Variants in ALPK2 observed in about 807,000 individuals in gnomAD.
The protein encoded by ALPK2 is alpha kinase 2, also known as alpha-protein kinase 2.
In ALPK2, 127 loss-of-function variants were observed where a neutral mutation model predicts 163.1. That is an observed-to-expected ratio of 0.78 (90% CI 0.67 to 0.90). The LOEUF (loss-of-function observed/expected upper bound fraction) is 0.90. ALPK2 is among the 40% of genes least tolerant of loss of function. ALPK2 has a pLI of 0.00. For synonymous variants in ALPK2, 953 were observed against 959.1 expected, an observed-to-expected ratio of 0.99 and a Z score of 0.12; for missense variants, 2,360 against 2,589.6, an observed-to-expected ratio of 0.91 and a Z score of 1.92.
chr18:58,537,950 G>T lies in ALPK2; in HGVS notation c.2237C>A (p.Ala746Asp), dbSNP rs1236849847. The T allele has an allele frequency of 6.2e-7, 1 of 1,614,174 alleles. No homozygotes were observed. Among genetic ancestry groups the T allele is most frequent in the Non-Finnish European group, 8.5e-7 (1 of 1,180,040 alleles). ...ACCTGGGGACATAGTCTCATCATTG[G>T]CTTCTGAGATGCTCTGCTCATATTT... Reference protein sequence around the residue: ...DLKYEQSISEANDETMSPGVF... With the variant: ...DLKYEQSISEDNDETMSPGVF... Residue 746 changes from alanine to aspartate, a missense_variant, in exon 5 of 13, where the codon GCC (alanine) becomes GAC (aspartate). Coordinates refer to ENST00000361673, the MANE Select transcript of ALPK2 (RefSeq NM_052947.4).
At chr18:58,554,045 A>G (rs4940409) in intron 4 of ALPK2, among the ~76,000 whole-genome samples, 152,018 of 152,018 alleles carry the variant, frequency 1, 76,009 homozygotes, top group Non-Finnish European at 1. Flanking sequence ...ATTTTCAGTA[A>G]AGGCGGGATT....
Position 58,481,689 on chromosome 18 carries a change from TG to T in ALPK2, c.*133del. The T allele has an allele frequency of 1.4e-6, 1 of 701,912 alleles. No individual in the cohort carries two copies. 43.5% of individuals were successfully genotyped at this position (701,912 alleles called of 1,614,324 possible). On this transcript the variant is annotated 3_prime_UTR_variant, in exon 13 of 13. Transcript: ENST00000361673. ...GCAGGTGATGGGTTTAGAAGCATCT[TG>T]GCGCACAGTCGGCTGGGAGTAAGGA... is the stretch of plus-strand genomic sequence containing the variant.
chr18:58,513,121 G>T (rs566944644), intron 10 of ALPK2, among the ~76,000 whole-genome samples: 1 of 150,056 alleles, frequency 6.7e-6, no homozygotes, highest in African/African-American at 2.5e-5. Flanking sequence ...TATGTGGTGT[G>T]TGTTTGTATG....
intron 12 of ALPK2, among the ~76,000 whole-genome samples, chr18:58,487,581 T>A (rs984746007): frequency 3.9e-5 from 6 of 152,372 alleles, no homozygotes; most frequent in African/African-American, 1.4e-4. Flanking sequence ...TTTTCATTTT[T>A]AAAAATCTTA....
chr18:58,574,789 A>G (rs949523363), intron 4 of ALPK2, among the ~76,000 whole-genome samples: 2 of 152,196 alleles, frequency 1.3e-5, no homozygotes, highest in African/African-American at 4.8e-5. Context: ...CCCAGAGCCA[A>G]AAGAGTAACT....
intron 4 of ALPK2, among the ~76,000 whole-genome samples, chr18:58,550,502 A>T (rs2051748786): frequency 6.6e-6 from 1 of 151,736 alleles, no homozygotes. Context: ...CATCTATATC[A>T]TATACAACCC....
At chr18:58,622,277 A>T (rs1431941553) in intron 1 of ALPK2, among the ~76,000 whole-genome samples, 1 of 152,046 alleles carries the variant, frequency 6.6e-6, no homozygotes, top group African/African-American at 2.4e-5. Flanking sequence ...AGCCCGGGAG[A>T]TGGAGGTTAT....
intron 1 of ALPK2, among the ~76,000 whole-genome samples, chr18:58,619,940 T>C (rs1442711668): frequency 6.6e-6 from 1 of 152,166 alleles, no homozygotes; most frequent in Non-Finnish European, 1.5e-5. Context: ...AGTGAATGGG[T>C]AGACAAAATG....
chr18:58,503,210 G>A (rs931185221), intron 11 of ALPK2, among the ~76,000 whole-genome samples: 7 of 152,242 alleles, frequency 4.6e-5, no homozygotes, highest in African/African-American at 1.7e-4. Flanking sequence ...CAGCAGAGAA[G>A]CTTAAAATCT....
chr18:58,593,563 CAAAAA>C (rs34460316), intron 3 of ALPK2, among the ~76,000 whole-genome samples: 20 of 50,650 alleles, frequency 3.9e-4, no homozygotes, highest in African/African-American at 1.5e-3. Context: ...GACTCTGTCT[CAAAAA>C]AAAAAAAAAA....
chr18:58,518,368 G>C (rs1270523351), intron 8 of ALPK2, among the ~76,000 whole-genome samples: 1 of 152,196 alleles, frequency 6.6e-6, no homozygotes, highest in African/African-American at 2.4e-5. Flanking sequence ...AGGGAGTGGG[G>C]TTTGGTGGAT....
At chr18:58,548,315 T>A (rs2051730239) in intron 4 of ALPK2, among the ~76,000 whole-genome samples, 1 of 150,002 alleles carries the variant, frequency 6.7e-6, no homozygotes, top group African/African-American at 2.4e-5. Context: ...CGGGTTTGGT[T>A]TCCTGTGTTT....
intron 4 of ALPK2, among the ~76,000 whole-genome samples, chr18:58,555,804 A>C (rs2051787403): frequency 1.3e-5 from 2 of 152,142 alleles, no homozygotes; most frequent in Admixed American, 6.5e-5. Context: ...CATGGTTCTA[A>C]CTGTGAAGGC....
intron 3 of ALPK2, among the ~76,000 whole-genome samples, chr18:58,604,221 G>A (rs1044930292): frequency 6.6e-6 from 1 of 152,170 alleles, no homozygotes; most frequent in Admixed American, 6.5e-5. Flanking sequence ...TCAAATGCAG[G>A]TGAAGAAAAG....
intron 5 of ALPK2, among the ~76,000 whole-genome samples, chr18:58,532,204 T>C (rs1205292844): frequency 6.6e-6 from 1 of 152,228 alleles, no homozygotes; most frequent in African/African-American, 2.4e-5. Context: ...CATCAGTCGA[T>C]GGCCCTTCCA....
At chr18:58,615,694 C>A (rs1301789491) in intron 1 of ALPK2, among the ~76,000 whole-genome samples, 1 of 152,126 alleles carries the variant, frequency 6.6e-6, no homozygotes, top group East Asian at 1.9e-4. Flanking sequence ...GTAATTGTCA[C>A]CTGCAATAGT....
intron 4 of ALPK2, among the ~76,000 whole-genome samples, chr18:58,567,493 C>T (rs2051862173): frequency 6.6e-6 from 1 of 151,964 alleles, no homozygotes; most frequent in African/African-American, 2.4e-5. Flanking sequence ...TAGTCCAGGC[C>T]CTCACTTTAA....
Position 58,481,570 on chromosome 18 carries a change from A to G in ALPK2, c.*253T>C, listed in dbSNP as rs1048987285. 1.4e-5 allele frequency: 7 copies of G among 513,788 alleles called. No individual in the cohort carries two copies. The highest frequency in any genetic ancestry group is 5.2e-4 in the Middle Eastern group (1 of 1,924). 31.8% of individuals were successfully genotyped at this position (513,788 alleles called of 1,614,324 possible). ...GTTGGTAAAAATGCTAAACATGTATATAAAGAATGGACTGTCTTTGAGACC... is the reference window on the plus strand; with the variant it reads ...GTTGGTAAAAATGCTAAACATGTATGTAAAGAATGGACTGTCTTTGAGACC... On this transcript the variant is annotated 3_prime_UTR_variant, in exon 13 of 13. Transcript: ENST00000361673.
intron 1 of ALPK2, among the ~76,000 whole-genome samples, chr18:58,628,454 TCTAA>T (rs1487836630): frequency 6.6e-6 from 1 of 152,250 alleles, no homozygotes; most frequent in Non-Finnish European, 1.5e-5. Flanking sequence ...GTATATTTTT[TCTAA>T]CTGTTAAGAT....
Sources: allele counts gnomAD v4.1 joint callset (sites outside exome capture counted in the v4.1 genomes callset), GRCh38; gene constraint gnomAD v4.1.1; transcripts MANE v1.5; gene names NCBI Gene and HGNC (gene_info 2026-07-23, HGNC 2026-07-21).